Variants in SYTL3 observed in about 807,000 individuals in gnomAD.
SYTL3 encodes synaptotagmin like 3.
Under a neutral mutation model 82.1 loss-of-function variants are expected in SYTL3, and 88 were observed. The observed-to-expected ratio is 1.07, with a 90% CI of 0.90 to 1.28. The LOEUF (loss-of-function observed/expected upper bound fraction) is 1.28, where lower values mean the gene tolerates loss of function less well. SYTL3 is among the 50% of genes most tolerant of loss of function. The probability of loss-of-function intolerance (pLI) is 0.00; values close to 1 mark genes in which losing one functional copy is unlikely to be tolerated. For missense variants in SYTL3, 831 were observed against 757.6 expected (o/e 1.10, Z -1.14); for synonymous variants, 311 against 289.4 (o/e 1.07, Z -0.76).
chr6:158,709,729 C>T (rs1782552950), intron 8 of SYTL3, among the ~76,000 whole-genome samples: 1 of 151,956 alleles, frequency 6.6e-6, no homozygotes, highest in South Asian at 2.1e-4. Flanking sequence ...TGTTGGAATC[C>T]TGAAAGATCA....
chr6:158,729,814 C>T (rs1424350994), intron 11 of SYTL3, among the ~76,000 whole-genome samples: 1 of 151,972 alleles, frequency 6.6e-6, no homozygotes, highest in East Asian at 1.9e-4. Context: ...GATCCGCTCG[C>T]CTTGGCCTCC....
intron 11 of SYTL3, among the ~76,000 whole-genome samples, chr6:158,739,419 T>A (rs1050466410): frequency 6.6e-6 from 1 of 152,200 alleles, no homozygotes; most frequent in Non-Finnish European, 1.5e-5. Context: ...TAAAAAATAT[T>A]TTCCTCTTAA....
At chr6:158,734,988 C>A (rs1025483942) in intron 11 of SYTL3, among the ~76,000 whole-genome samples, 1 of 152,188 alleles carries the variant, frequency 6.6e-6, no homozygotes, top group Non-Finnish European at 1.5e-5. Flanking sequence ...GACTGTAGAA[C>A]TCTGATTCAA....
intron 11 of SYTL3, among the ~76,000 whole-genome samples, chr6:158,744,499 T>G (rs950628689): frequency 6.6e-6 from 1 of 151,798 alleles, no homozygotes; most frequent in Non-Finnish European, 1.5e-5. Context: ...TTTTGTATTT[T>G]TAGTAGAGAT....
chr6:158,756,930 C>A (rs1158407091), intron 13 of SYTL3, among the ~76,000 whole-genome samples: 1 of 151,298 alleles, frequency 6.6e-6, no homozygotes, highest in Admixed American at 6.6e-5. Flanking sequence ...CCAGGGCTAC[C>A]CTTGCCTGTC....
At chr6:158,725,902 C>T (rs771546910) in intron 11 of SYTL3, 1 of 690,996 alleles carries the variant, frequency 1.4e-6, no homozygotes, top group Non-Finnish European at 2.7e-6. Flanking sequence ...TGCTCTGTAG[C>T]TTTCTATAAT....
chr6:158,715,638 TACCCCCCC>T (rs1783309214), intron 9 of SYTL3, among the ~76,000 whole-genome samples: 1 of 15,996 alleles, frequency 6.3e-5, no homozygotes, highest in Non-Finnish European at 1.4e-4. Context: ...GCACCCCCCA[TACCCCCCC>T]ACCACCCCCA....
intron 9 of SYTL3, among the ~76,000 whole-genome samples, chr6:158,716,896 A>G (rs577163707): frequency 1.3e-5 from 2 of 152,370 alleles, no homozygotes; most frequent in African/African-American, 4.8e-5. Flanking sequence ...GAGACTTGGA[A>G]TCCAACAAAA....
chr6:158,656,227 C>G (rs1392534293), intron 2 of SYTL3, among the ~76,000 whole-genome samples: 1 of 152,156 alleles, frequency 6.6e-6, no homozygotes, highest in East Asian at 1.9e-4. Flanking sequence ...CCCTCTTCTC[C>G]CAGGCCTGGC....
At chr6:158,734,234 G>A (rs1434745088) in intron 11 of SYTL3, among the ~76,000 whole-genome samples, 1 of 151,934 alleles carries the variant, frequency 6.6e-6, no homozygotes, top group African/African-American at 2.4e-5. Flanking sequence ...CTTATAATAG[G>A]GGTGGAGGGG....
At chr6:158,728,326 A>C (rs552749062) in intron 11 of SYTL3, among the ~76,000 whole-genome samples, 1 of 147,542 alleles carries the variant, frequency 6.8e-6, no homozygotes, top group Non-Finnish European at 1.5e-5. Flanking sequence ...TAGTCAACCT[A>C]ATACCACTTG....
chr6:158,704,395 G>A (rs1272993364), intron 6 of SYTL3, among the ~76,000 whole-genome samples: 2 of 152,248 alleles, frequency 1.3e-5, no homozygotes, highest in Non-Finnish European at 2.9e-5. Flanking sequence ...AAAGCCACGC[G>A]CACGCCCGGT....
At chr6:158,718,506 G>T (rs1049992899) in intron 10 of SYTL3, among the ~76,000 whole-genome samples, 2 of 152,214 alleles carry the variant, frequency 1.3e-5, no homozygotes, top group African/African-American at 4.8e-5. Context: ...TCAAGCCTGC[G>T]CCAAAGCCCA....
chr6:158,704,622 A>T (rs960276023), intron 6 of SYTL3, among the ~76,000 whole-genome samples: 2 of 152,250 alleles, frequency 1.3e-5, no homozygotes, highest in Non-Finnish European at 2.9e-5. Context: ...GTGAAAGGGC[A>T]AGGCCTGCAG....
chr6:158,760,854 TC>T (rs1789821928), intron 15 of SYTL3, 109 bp downstream of exon 15: 3 of 797,752 alleles, frequency 3.8e-6, no homozygotes, highest in Admixed American at 4.1e-5. Flanking sequence ...CCTTTCTACG[TC>T]CCCGTGCCCA....
chr6:158,663,908 G>C (rs920682550), intron 4 of SYTL3, among the ~76,000 whole-genome samples: 1 of 152,056 alleles, frequency 6.6e-6, no homozygotes, highest in African/African-American at 2.4e-5. Context: ...AACCTGCTTA[G>C]CCTGTTTCCT....
chr6:158,654,920 C>T (rs541725529), intron 2 of SYTL3, among the ~76,000 whole-genome samples: 4 of 152,048 alleles, frequency 2.6e-5, no homozygotes, highest in Non-Finnish European at 5.9e-5. Flanking sequence ...TCAGGCTGAT[C>T]GATGGAGTGC....
chr6:158,692,943 TC>T (rs1161390879), intron 6 of SYTL3, among the ~76,000 whole-genome samples: 1 of 147,962 alleles, frequency 6.8e-6, no homozygotes, highest in Non-Finnish European at 1.5e-5. Flanking sequence ...AGAGCGAGAC[TC>T]CGTCTCAAAA....
chr6:158,730,422 T>C (rs1158564450), intron 11 of SYTL3, among the ~76,000 whole-genome samples: 1 of 152,238 alleles, frequency 6.6e-6, no homozygotes, highest in Non-Finnish European at 1.5e-5. Flanking sequence ...AATTTTTCCT[T>C]ATAGTAGTAA....
Sources: gnomAD v4.1 joint callset for allele counts (sites outside exome capture counted in the v4.1 genomes callset) on GRCh38, gnomAD v4.1.1 for gene constraint, MANE v1.5 for transcripts, NCBI Gene and HGNC (gene_info 2026-07-23, HGNC 2026-07-21) for gene names.